SPON1: variants seen among roughly 807,000 people sequenced by gnomAD.
The protein encoded by SPON1 is spondin 1, also known as spondin-1.
SPON1 carries 52 observed loss-of-function variants against 111.7 expected under a neutral mutation model. The ratio of observed to expected loss-of-function variants is 0.47; its 90% CI spans 0.37 to 0.59. The LOEUF is 0.59. Among genes scored for constraint, SPON1 ranks in the 20% least tolerant of loss-of-function variants. The pLI is 0.00. For missense variants in SPON1, 957 were observed against 1,068.5 expected, an observed-to-expected ratio of 0.90 and a Z score of 1.46; for synonymous variants, 410 against 395.8, an observed-to-expected ratio of 1.04 and a Z score of -0.43.
At chr11:13,981,890 G>A (rs1848147405) in intron 1 of SPON1, among the ~76,000 whole-genome samples, 1 of 152,158 alleles carries the variant, frequency 6.6e-6, no homozygotes, top group Non-Finnish European at 1.5e-5. Context: ...CATTAAGCAG[G>A]CAAAGGCAAG....
At chr11:14,207,231 TAACTC>T (rs1383010900) in intron 6 of SPON1, among the ~76,000 whole-genome samples, 2 of 152,086 alleles carry the variant, frequency 1.3e-5, no homozygotes, top group South Asian at 4.2e-4. Flanking sequence ...ATACAAAAAT[TAACTC>T]AAGATGGATA....
rs373446230 is a variant in SPON1 at position 14,266,092 on chromosome 11, C to A, written c.*405C>A. ...ATTCACAGATGAAGACAGCAGATTC[C>A]CCACATTCTCATCTTTGGCCTGTTC... On this transcript the variant is annotated 3_prime_UTR_variant, in exon 16 of 16. Transcript: ENST00000576479. 3.7e-5 allele frequency: 6 copies of A among 163,676 alleles called. No homozygotes were observed. In the East Asian group the frequency reaches 8.7e-4, roughly 24 times the overall value. The allele number at this position is 163,676 out of a possible 1,614,324, so 10.1% of individuals were successfully genotyped here.
At chr11:14,016,867 G>GGGCA (rs1413960619) in intron 2 of SPON1, among the ~76,000 whole-genome samples, 1 of 152,046 alleles carries the variant, frequency 6.6e-6, no homozygotes, top group Non-Finnish European at 1.5e-5. Flanking sequence ...ACTAAGTGCT[G>GGGCA]GGCACTGCAT....
At chr11:13,994,934 A>G (rs1848259977) in intron 2 of SPON1, among the ~76,000 whole-genome samples, 1 of 152,224 alleles carries the variant, frequency 6.6e-6, no homozygotes, top group Non-Finnish European at 1.5e-5. Flanking sequence ...TATAACTTTC[A>G]GTGAATGAAT....
chr11:14,219,715 A>G (rs1258435903), intron 6 of SPON1, among the ~76,000 whole-genome samples: 1 of 152,170 alleles, frequency 6.6e-6, no homozygotes, highest in East Asian at 1.9e-4. Flanking sequence ...TGACCAGATG[A>G]CATGATGTGT....
At chr11:14,201,745 A>G (rs977250342) in intron 6 of SPON1, among the ~76,000 whole-genome samples, 1 of 152,200 alleles carries the variant, frequency 6.6e-6, no homozygotes, top group Non-Finnish European at 1.5e-5. Context: ...GTATATACAC[A>G]TAAGTATTTA....
intron 2 of SPON1, among the ~76,000 whole-genome samples, chr11:14,019,764 T>TAAA (rs1848467730): frequency 6.6e-6 from 1 of 152,164 alleles, no homozygotes; most frequent in African/African-American, 2.4e-5. Flanking sequence ...TTCTATTCCA[T>TAAA]AAAATGGCTG....
rs1564918901 is a variant in SPON1 at position 14,160,455 on chromosome 11, TTATATATATATATTTATATATATATTTA to T, written c.825+24899_825+24926del. 2.5e-3 allele frequency among the ~76,000 whole-genome samples: 19 copies of T among 7,646 alleles called. 4 individuals carry two copies. Among genetic ancestry groups the T allele is most frequent in the East Asian group, 0.016 (2 of 122 alleles). The allele number at this position is 7,646 out of a possible 152,430, so 5.0% of individuals were successfully genotyped here. On this transcript the variant is annotated intron_variant, in intron 6 of 15. Coordinates refer to ENST00000576479, the MANE Select transcript of SPON1 (RefSeq NM_006108.4). ...TTTATATATATATTTATATATATAT[TTATATATATATATTTATATATATATTTA>T]TATATATATATTTACATATATATAT...
At chr11:14,215,045 GT>G (rs574235627) in intron 6 of SPON1, among the ~76,000 whole-genome samples, 73 of 152,092 alleles carry the variant, frequency 4.8e-4, no homozygotes, top group African/African-American at 1.7e-3. Flanking sequence ...CCTTTTTTAT[GT>G]TTTTGTTTTT....
chr11:14,215,483 A>C (rs1848617297), intron 6 of SPON1, among the ~76,000 whole-genome samples: 2 of 152,128 alleles, frequency 1.3e-5, no homozygotes, highest in Non-Finnish European at 2.9e-5. Flanking sequence ...ACTCTTCAGC[A>C]TGGTGGTCTC....
chr11:14,090,822 TG>T (rs59255249), intron 5 of SPON1, among the ~76,000 whole-genome samples: 35,094 of 68,206 alleles, frequency 0.51, 7,838 homozygotes, highest in South Asian at 0.69. Flanking sequence ...TTCTCTTATC[TG>T]GCCCCCCCCC....
chr11:14,249,088 C>T (rs1458391722), intron 7 of SPON1, among the ~76,000 whole-genome samples: 1 of 152,178 alleles, frequency 6.6e-6, no homozygotes, highest in African/African-American at 2.4e-5. Context: ...TTACAAATAA[C>T]TTTTATTTCC....
intron 6 of SPON1, among the ~76,000 whole-genome samples, chr11:14,236,472 T>C (rs1554939235): frequency 6.6e-6 from 1 of 152,126 alleles, no homozygotes; most frequent in Non-Finnish European, 1.5e-5. Context: ...GCCACTTAGA[T>C]ACCCAGATGA....
chr11:14,234,546 G>A (rs1554939045), intron 6 of SPON1, among the ~76,000 whole-genome samples: 1 of 152,230 alleles, frequency 6.6e-6, no homozygotes, highest in Non-Finnish European at 1.5e-5. Flanking sequence ...TGGTACTTCA[G>A]TTACCAAAGG....
rs532360547 is a variant in SPON1, at chr11:14,143,576, G to C, written c.825+8008G>C. On this transcript the variant is annotated intron_variant, in intron 6 of 15. Transcript: ENST00000576479. ...ACCCTGTTTCCAAAAAAAAAAAAAG[G>C]GCAGGGGAAACTGAAGGTAGAAGAT... Among the ~76,000 whole-genome samples the C allele has an allele frequency of 4.3e-4, 66 of 151,946 alleles. 2 individuals are homozygous for C. Among genetic ancestry groups the C allele is most frequent in the Non-Finnish European group, 4.7e-4 (32 of 67,942 alleles).
At chr11:14,254,871 A>C (rs1849089576) in intron 8 of SPON1, 142 bp downstream of exon 8, 1 of 779,424 alleles carries the variant, frequency 1.3e-6, no homozygotes, top group African/African-American at 1.7e-5. Context: ...TCGCATCATC[A>C]CATATGGTGT....
Position 14,160,975 on chromosome 11 carries a change from TTATATATTTA to T in SPON1, c.825+25417_825+25426del, listed in dbSNP as rs1313212989. On this transcript the variant is annotated intron_variant, in intron 6 of 15. Transcript: ENST00000576479. ...TATTTATATATATTTATATATATTT[TTATATATTTA>T]TATATATTTTTATATATTTATATAT... 3.4e-3 allele frequency among the ~76,000 whole-genome samples: 164 copies of T among 48,736 alleles called. 17 individuals are homozygous for T. The highest frequency in any genetic ancestry group is 5.2e-3 in the Non-Finnish European group (150 of 28,792). The allele number at this position is 48,736 out of a possible 152,430, so 32.0% of individuals were successfully genotyped here.
At chr11:13,992,490 T>C (rs1848238688) in intron 2 of SPON1, among the ~76,000 whole-genome samples, 1 of 152,188 alleles carries the variant, frequency 6.6e-6, no homozygotes, top group African/African-American at 2.4e-5. Flanking sequence ...CTTAGTTTGC[T>C]GGGCTCCGTG....
At position 14,131,437 on chromosome 11, in the gene SPON1, G is replaced by T. The variant is rs575051604; in HGVS notation, c.677-3983G>T. On this transcript the variant is annotated intron_variant, in intron 5 of 15. Coordinates refer to ENST00000576479, the MANE Select transcript of SPON1 (RefSeq NM_006108.4). ...GTATTGTTCATTGAATCCCTGCTCC[G>T]ACTAGCCTGCCAGTCCTGCGCCCGG... is the stretch of plus-strand genomic sequence containing the variant. Among the ~76,000 whole-genome samples the T allele has an allele frequency of 7.2e-5, 11 of 152,198 alleles. No individual in the cohort carries two copies. In the South Asian group the frequency reaches 2.1e-3, roughly 29 times the overall value.
Sources: allele counts gnomAD v4.1 joint callset (sites outside exome capture counted in the v4.1 genomes callset), GRCh38; gene constraint gnomAD v4.1.1; transcripts MANE v1.5; gene names NCBI Gene and HGNC (gene_info 2026-07-23, HGNC 2026-07-21).